DARS2: variants seen among roughly 807,000 people sequenced by gnomAD.
DARS2 encodes the protein aspartyl-tRNA synthetase 2, mitochondrial.
In DARS2, 63 loss-of-function variants were observed where a neutral mutation model predicts 83.0. The observed-to-expected ratio is 0.76, with a 90% CI of 0.62 to 0.94. DARS2 has a LOEUF of 0.94. Among genes scored for constraint, DARS2 ranks in the 40% least tolerant of loss-of-function variants. DARS2 has a pLI of 0.00. For missense variants in DARS2, 675 were observed against 774.4 expected (o/e 0.87, Z 1.52); for synonymous variants, 250 against 269.3 (o/e 0.93, Z 0.70).
In DARS2 at chr1:173,824,966, A is replaced by C; in HGVS notation, c.-264A>C. The C allele has an allele frequency of 1.0e-5, 4 of 386,790 alleles. No homozygotes were observed. Among genetic ancestry groups the C allele is most frequent in the South Asian group, 4.3e-5 (2 of 46,682 alleles). The allele number at this position is 386,790 out of a possible 1,614,324, so 24.0% of individuals were successfully genotyped here. ...GTCACTTTTGGCTGCCGACTTGTTGAGTAGAAGTGCAGACTGATGCTTTAA... is the reference window on the plus strand; with the variant it reads ...GTCACTTTTGGCTGCCGACTTGTTGCGTAGAAGTGCAGACTGATGCTTTAA... On this transcript the variant is annotated 5_prime_UTR_variant, in exon 1 of 17. Transcript: ENST00000649689.
rs1653036645 is a variant in DARS2 at position 173,837,168 on chromosome 1, A to G, written c.770+122A>G. 3.3e-6 allele frequency: 3 copies of G among 896,828 alleles called. No individual in the cohort carries two copies. In the South Asian group the frequency reaches 4.3e-5, roughly 13 times the overall value. 55.6% of individuals were successfully genotyped at this position (896,828 alleles called of 1,614,324 possible). On this transcript the variant is annotated intron_variant, in intron 8 of 16. Coordinates refer to ENST00000649689, the MANE Select transcript of DARS2 (RefSeq NM_018122.5). ...ATAGAAAATTTATGAGAGTTTGGAG[A>G]ATACTTATAAAATGCCCTCATAATT... is the stretch of plus-strand genomic sequence containing the variant.
chr1:173,827,405 G>A (rs563832658), intron 2 of DARS2, among the ~76,000 whole-genome samples: 3 of 152,198 alleles, frequency 2.0e-5, no homozygotes, highest in East Asian at 1.9e-4. Context: ...CGAGGCGGGC[G>A]GATCACGAGG....
rs1281854899 is a variant in DARS2 at position 173,825,122 on chromosome 1, TG to T, written c.-105del. ...AGGCCTTAAATATTCGAGAAGAGAG[TG>T]GGAACTCCTGGAATTTTAAGGGATT... On this transcript the variant is annotated 5_prime_UTR_variant, in exon 1 of 17. An upstream open reading frame in the 5' UTR loses its in-frame stop. Coordinates refer to ENST00000649689, the MANE Select transcript of DARS2 (RefSeq NM_018122.5). The T allele has an allele frequency of 1.3e-5, 19 of 1,517,568 alleles. No individual in the cohort carries two copies. The highest frequency in any genetic ancestry group is 1.7e-5 in the Non-Finnish European group (19 of 1,103,788). The allele number at this position is 1,517,568 out of a possible 1,614,324, so 94.0% of individuals were successfully genotyped here. A position where few individuals can be genotyped will look rare whatever the true frequency, so the allele number is the denominator to read the frequency against.
intron 15 of DARS2, among the ~76,000 whole-genome samples, chr1:173,855,564 G>A (rs1653828563): frequency 6.6e-6 from 1 of 152,134 alleles, no homozygotes; most frequent in South Asian, 2.1e-4. Flanking sequence ...CAAACTCCTG[G>A]GATCAAGCGA....
At chr1:173,845,425 T>G (rs983000168) in intron 12 of DARS2, 134 bp downstream of exon 12, 47 of 575,758 alleles carry the variant, frequency 8.2e-5, no homozygotes, top group African/African-American at 6.8e-4. Context: ...TATTTACTTT[T>G]TATTTTATTT....
In DARS2 at chr1:173,828,614, A is replaced by G. The variant is rs75302147; in HGVS notation, c.294+215A>G. 0.082 allele frequency among the ~76,000 whole-genome samples: 12,548 copies of G among 152,244 alleles called. 746 individuals are homozygous for G. Among genetic ancestry groups the G allele is most frequent in the East Asian group, 0.32 (1,643 of 5,164 alleles). On this transcript the variant is annotated intron_variant, in intron 3 of 16. Coordinates refer to ENST00000649689, the MANE Select transcript of DARS2 (RefSeq NM_018122.5). ...ACGAACAAAAAATTTAGAGGAAAAA[A>G]ATATATAAATGGCTTGTAGACATAA...
At chr1:173,834,790 T>G (rs1451483493) in intron 7 of DARS2, among the ~76,000 whole-genome samples, 3 of 137,702 alleles carry the variant, frequency 2.2e-5, no homozygotes, top group Admixed American at 7.2e-5. Flanking sequence ...TTGTTTTTTT[T>G]TTTTTTTTGA....
In DARS2 at chr1:173,858,113, T is replaced by G. The variant is rs908201992; in HGVS notation, c.*408T>G. On this transcript the variant is annotated 3_prime_UTR_variant, in exon 17 of 17. Coordinates refer to ENST00000649689, the MANE Select transcript of DARS2 (RefSeq NM_018122.5). The stretch of plus-strand genomic sequence containing the variant: ...GTAAACTAGTGAGTTGATGGAGCAT[T>G]TGCTTCATCATCCTCATCAAGAGAA... 3.4e-5 allele frequency: 8 copies of G among 235,064 alleles called. No homozygotes were observed. Among genetic ancestry groups the G allele is most frequent in the Non-Finnish European group, 6.8e-5 (8 of 116,926 alleles). 14.6% of individuals were successfully genotyped at this position (235,064 alleles called of 1,614,324 possible). A position where few individuals can be genotyped will look rare whatever the true frequency, so the allele number is the denominator to read the frequency against.
chr1:173,836,795 G>A, intron 7 of DARS2, 145 bp from the exon 8 acceptor site: 1 of 721,666 alleles, frequency 1.4e-6, no homozygotes, highest in South Asian at 1.5e-5. Flanking sequence ...AGATAAGCAG[G>A]AAATTGTCTC....
At chr1:173,856,806 C>A in intron 16 of DARS2, 65 bp downstream of exon 16, 1 of 1,418,230 alleles carries the variant, frequency 7.1e-7, no homozygotes, top group South Asian at 1.2e-5. Flanking sequence ...TTCAGGTTCT[C>A]AGTTTGTGTT....
At chr1:173,844,802 T>TC (rs1653366203) in intron 11 of DARS2, among the ~76,000 whole-genome samples, 1 of 96,926 alleles carries the variant, frequency 1.0e-5, no homozygotes, top group African/African-American at 3.6e-5. Flanking sequence ...TTTTTTTTTT[T>TC]TTTTTTTTTG....
In DARS2 at chr1:173,853,453, T is replaced by A. The variant is rs772577291; in HGVS notation, c.1449T>A (p.Asp483Glu). 6.2e-7 allele frequency: 1 copy of A among 1,614,092 alleles called. No individual in the cohort carries two copies. The highest frequency in any genetic ancestry group is 1.1e-5 in the South Asian group (1 of 91,074). The change falls in exon 14 of 17, where the codon GAT (aspartate) becomes GAA (glutamate). Residue 483 changes from aspartate to glutamate, a missense_variant. Transcript: ENST00000649689. ...PTLFSFLWVV[D>E]FPLFLPKEEN... ...TGTTCTCTTTCCTTTGGGTGGTAGA[T>A]TTCCCACTCTTCCTGCCCAAGGAGG... is the stretch of plus-strand genomic sequence containing the variant.
At chr1:173,835,704 T>TA in intron 7 of DARS2, among the ~76,000 whole-genome samples, 1 of 151,984 alleles carries the variant, frequency 6.6e-6, no homozygotes, top group South Asian at 2.1e-4. Context: ...GGTCAGGAGT[T>TA]AGAGACCAGC....
intron 15 of DARS2, among the ~76,000 whole-genome samples, chr1:173,855,408 T>G (rs1215824339): frequency 2.0e-5 from 3 of 152,058 alleles, no homozygotes; most frequent in Non-Finnish European, 2.9e-5. Context: ...AGCCGAAATC[T>G]GTTAACTTTT....
At position 173,824,875 on chromosome 1, in the gene DARS2, C is replaced by T. The variant is rs1349155484; in HGVS notation, c.-355C>T. 3 of 344,206 alleles carry T rather than the reference C, an allele frequency of 8.7e-6. No homozygotes were observed. The highest frequency in any genetic ancestry group is 1.7e-5 in the Non-Finnish European group (3 of 175,188). The allele number at this position is 344,206 out of a possible 1,614,324, so 21.3% of individuals were successfully genotyped here. On this transcript the variant is annotated 5_prime_UTR_variant, in exon 1 of 17. Transcript: ENST00000649689. Reference sequence around the variant, plus strand: ...GTGGAAAGAGGAGAAGGGCGTATACCTTGTGACCGCCTCTGGTTGTCTTGG... The same window carrying T: ...GTGGAAAGAGGAGAAGGGCGTATACTTTGTGACCGCCTCTGGTTGTCTTGG...
At chr1:173,854,750 G>A (rs1460926686) in intron 15 of DARS2, among the ~76,000 whole-genome samples, 3 of 152,210 alleles carry the variant, frequency 2.0e-5, no homozygotes, top group African/African-American at 4.8e-5. Flanking sequence ...TAATGTTAGA[G>A]AAAGAGAGAG....
At position 173,830,672 on chromosome 1, in the gene DARS2, G is replaced by T. The variant is rs767357764; in HGVS notation, c.307G>T (p.Val103Leu). 1.2e-6 allele frequency: 2 copies of T among 1,613,748 alleles called. No homozygotes were observed. The highest frequency in any genetic ancestry group is 1.7e-6 in the Non-Finnish European group (2 of 1,179,802). Residue 103 changes from valine to leucine, a missense_variant, in exon 4 of 17, where the codon GTG becomes TTG. Coordinates refer to ENST00000649689, the MANE Select transcript of DARS2 (RefSeq NM_018122.5). ...CCTTGTTCTGTAGTCGGCAGCCTCTGTGAAGAAGATTTTATGTGAAGCCCC... is the reference window on the plus strand; with the variant it reads ...CCTTGTTCTGTAGTCGGCAGCCTCTTTGAAGAAGATTTTATGTGAAGCCCC... ...IIPQDESAAS[V>L]KKILCEAPVE...
chr1:173,824,970 G>T lies in DARS2; in HGVS notation c.-260G>T. 2.5e-6 allele frequency: 1 copy of T among 393,240 alleles called. No individual in the cohort carries two copies. Among genetic ancestry groups the T allele is most frequent in the Non-Finnish European group, 4.8e-6 (1 of 206,258 alleles). The allele number at this position is 393,240 out of a possible 1,614,324, so 24.4% of individuals were successfully genotyped here. On this transcript the variant is annotated 5_prime_UTR_variant, in exon 1 of 17. Coordinates refer to ENST00000649689, the MANE Select transcript of DARS2 (RefSeq NM_018122.5). ...CTTTTGGCTGCCGACTTGTTGAGTA[G>T]AAGTGCAGACTGATGCTTTAAGACT...
intron 11 of DARS2, among the ~76,000 whole-genome samples, chr1:173,842,755 T>A (rs896041289): frequency 5.9e-5 from 9 of 151,356 alleles, no homozygotes; most frequent in African/African-American, 2.2e-4. Flanking sequence ...CTGGCCAACA[T>A]GGCGAAACCC....
Sources: allele counts gnomAD v4.1 joint callset (sites outside exome capture counted in the v4.1 genomes callset), GRCh38; gene constraint gnomAD v4.1.1; transcripts MANE v1.5; gene names NCBI Gene and HGNC (gene_info 2026-07-23, HGNC 2026-07-21).